Variants in MED12L observed in about 807,000 individuals in gnomAD.
MED12L encodes mediator complex subunit 12L.
In MED12L, 60 loss-of-function variants were observed where a neutral mutation model predicts 281.3. The observed-to-expected ratio is 0.21, with a 90% CI of 0.17 to 0.26. MED12L has a LOEUF of 0.26. MED12L is among the 10% of genes least tolerant of loss of function. The probability of loss-of-function intolerance (pLI) is 1.00; values close to 1 mark genes in which losing one functional copy is unlikely to be tolerated. For synonymous variants in MED12L, 974 were observed against 987.2 expected, an observed-to-expected ratio of 0.99 and a Z score of 0.25; for missense variants, 2,146 against 2,680.9, an observed-to-expected ratio of 0.80 and a Z score of 4.41.
At chr3:151,335,650 A>G (rs1327457352) in intron 16 of MED12L, among the ~76,000 whole-genome samples, 1 of 152,156 alleles carries the variant, frequency 6.6e-6, no homozygotes, top group Non-Finnish European at 1.5e-5. Flanking sequence ...GGGTTAATAT[A>G]TATTAATATG....
intron 16 of MED12L, among the ~76,000 whole-genome samples, chr3:151,221,932 A>T (rs939344550): frequency 2.0e-5 from 3 of 152,214 alleles, no homozygotes; most frequent in African/African-American, 7.2e-5. Flanking sequence ...AAAGTTGCAG[A>T]TACTCAATGC....
At chr3:151,203,877 A>G (rs13090838) in intron 16 of MED12L, among the ~76,000 whole-genome samples, 7,769 of 152,238 alleles carry the variant, frequency 0.051, 275 homozygotes, top group Middle Eastern at 0.082. Context: ...TATATATTCA[A>G]TTTATGAGAT....
At chr3:151,138,219 T>C (rs1297183792) in intron 5 of MED12L, among the ~76,000 whole-genome samples, 2 of 147,066 alleles carry the variant, frequency 1.4e-5, no homozygotes, top group Non-Finnish European at 3.0e-5. Flanking sequence ...TTACTTGATG[T>C]TCTCTGTTCC....
chr3:151,205,613 C>T (rs1205836212), intron 16 of MED12L, among the ~76,000 whole-genome samples: 1 of 151,996 alleles, frequency 6.6e-6, no homozygotes, highest in Non-Finnish European at 1.5e-5. Flanking sequence ...CAGCCGGGCA[C>T]AGGTCTGAGG....
chr3:151,247,478 T>C (rs1230128286), intron 16 of MED12L, among the ~76,000 whole-genome samples: 1 of 151,456 alleles, frequency 6.6e-6, no homozygotes, highest in East Asian at 1.9e-4. Context: ...TGGATGAAAT[T>C]GGAAATCATC....
intron 5 of MED12L, among the ~76,000 whole-genome samples, chr3:151,155,750 G>T (rs1333138258): frequency 1.3e-5 from 2 of 152,164 alleles, no homozygotes; most frequent in African/African-American, 4.8e-5. Context: ...TTTTGCTGTG[G>T]AATTTGAGAT....
chr3:151,249,095 C>G (rs1736344602), intron 16 of MED12L: 1 of 152,144 alleles, frequency 6.6e-6, no homozygotes, highest in Admixed American at 6.6e-5. Context: ...TTCTTTGGAG[C>G]CCAGCTCTAA....
At chr3:151,126,674 T>C (rs1207633204) in intron 4 of MED12L, among the ~76,000 whole-genome samples, 1 of 152,186 alleles carries the variant, frequency 6.6e-6, no homozygotes, top group Non-Finnish European at 1.5e-5. Context: ...AGACCAGGGC[T>C]CTTGGTATTT....
chr3:151,338,755 G>T (rs137981161), intron 16 of MED12L: 1 of 1,613,180 alleles, frequency 6.2e-7, no homozygotes, highest in East Asian at 2.2e-5. Context: ...ACAGTGTAGA[G>T]CAGTGGGAAG....
intron 2 of MED12L, among the ~76,000 whole-genome samples, chr3:151,103,217 A>G (rs1486803830): frequency 2.0e-5 from 3 of 152,066 alleles, no homozygotes; most frequent in Non-Finnish European, 4.4e-5. Context: ...AAGTTCAAGT[A>G]TTTTTCTCCT....
intron 16 of MED12L, among the ~76,000 whole-genome samples, chr3:151,218,230 T>TC (rs1379550233): frequency 1.3e-5 from 2 of 152,184 alleles, no homozygotes; most frequent in African/African-American, 4.8e-5. Context: ...TCAGCAACCC[T>TC]CCCTTCCCTG....
intron 16 of MED12L, among the ~76,000 whole-genome samples, chr3:151,280,518 C>T (rs1742633796): frequency 6.6e-6 from 1 of 152,146 alleles, no homozygotes; most frequent in Admixed American, 6.5e-5. Context: ...CTTTATATGT[C>T]TCCTCTGATT....
At chr3:151,139,670 G>A (rs1398367744) in intron 5 of MED12L, among the ~76,000 whole-genome samples, 1 of 152,214 alleles carries the variant, frequency 6.6e-6, no homozygotes, top group Non-Finnish European at 1.5e-5. Flanking sequence ...GGAGGTGAAA[G>A]AGAGCTGAAT....
chr3:151,355,961 G>A lies in MED12L; in HGVS notation c.2583G>A (p.Leu861=). The change falls in exon 19 of 45, where the codon TTG becomes TTA. Residue 861 remains leucine, a synonymous_variant. Coordinates refer to ENST00000687756, the MANE Select transcript of MED12L (RefSeq NM_001393769.1). ...FASGTSYHLP[L]AHHIQLIFDL... ...CAGGAACATCCTATCATCTCCCTTT[G>A]GCTCACCACATTCAGCTCATCTTTG... 1 of 1,614,002 alleles carries A rather than the reference G, an allele frequency of 6.2e-7. No homozygotes were observed. The highest frequency in any genetic ancestry group is 8.5e-7 in the Non-Finnish European group (1 of 1,179,954).
chr3:151,172,883 G>T (rs1344719197), intron 11 of MED12L, among the ~76,000 whole-genome samples: 1 of 152,196 alleles, frequency 6.6e-6, no homozygotes, highest in Non-Finnish European at 1.5e-5. Context: ...AGGAAGCGTT[G>T]CTAGTCTTTT....
intron 2 of MED12L, among the ~76,000 whole-genome samples, chr3:151,099,170 C>G (rs1380646223): frequency 6.6e-6 from 1 of 152,104 alleles, no homozygotes; most frequent in Non-Finnish European, 1.5e-5. Flanking sequence ...CAAACCATAT[C>G]AAGGGGTGAA....
intron 16 of MED12L, among the ~76,000 whole-genome samples, chr3:151,302,977 G>T (rs1034917202): frequency 8.5e-5 from 13 of 152,308 alleles, no homozygotes; most frequent in African/African-American, 3.1e-4. Flanking sequence ...GATTACAGAG[G>T]TTCCATGACA....
chr3:151,184,669 C>T (rs1269635868), intron 11 of MED12L, among the ~76,000 whole-genome samples: 1 of 152,216 alleles, frequency 6.6e-6, no homozygotes, highest in Non-Finnish European at 1.5e-5. Flanking sequence ...GCCATGACAA[C>T]TGTGGCTGAC....
intron 16 of MED12L, among the ~76,000 whole-genome samples, chr3:151,321,496 C>T (rs13090347): frequency 0.02 from 3,064 of 152,120 alleles, 41 homozygotes; most frequent in Middle Eastern, 0.037. Context: ...AAAGTCAATA[C>T]ATAAAGCTAA....
Sources: allele counts gnomAD v4.1 joint callset (sites outside exome capture counted in the v4.1 genomes callset), GRCh38; gene constraint gnomAD v4.1.1; transcripts MANE v1.5; gene names NCBI Gene and HGNC (gene_info 2026-07-23, HGNC 2026-07-21).